Variants in SLC9B2 observed in about 807,000 individuals in gnomAD.
SLC9B2 encodes the protein solute carrier family 9 member B2, also known as sodium/hydrogen exchanger 9B2.
SLC9B2 carries 39 observed loss-of-function variants against 52.2 expected under a neutral mutation model. The ratio of observed to expected loss-of-function variants is 0.75; its 90% confidence interval spans 0.58 to 0.98. The LOEUF (loss-of-function observed/expected upper bound fraction) is 0.98, where lower values mean the gene tolerates loss of function less well. Among genes scored for constraint, SLC9B2 ranks in the 50% least tolerant of loss-of-function variants. SLC9B2 has a pLI of 0.00. For synonymous variants in SLC9B2, 214 were observed against 227.0 expected (o/e 0.94, Z 0.51); for missense variants, 626 against 637.5 (o/e 0.98, Z 0.19).
downstream of SLC9B2, among the ~76,000 whole-genome samples, chr4:103,020,611 T>A (rs895025451): frequency 6.6e-6 from 1 of 152,172 alleles, no homozygotes; most frequent in African/African-American, 2.4e-5. Context: ...CCTTCTTGGG[T>A]AACTTAAATA....
intron 4 of SLC9B2, among the ~76,000 whole-genome samples, chr4:103,057,494 C>A (rs937661171): frequency 2.0e-5 from 3 of 151,790 alleles, no homozygotes; most frequent in Admixed American, 1.3e-4. Context: ...TTTGTAGAGA[C>A]AGGGTTTCAC....
intron 11 of SLC9B2, among the ~76,000 whole-genome samples, chr4:103,026,899 T>G (rs191620830): frequency 2.2e-4 from 34 of 152,184 alleles, no homozygotes; most frequent in African/African-American, 7.2e-4. Flanking sequence ...TTGCAGGTTT[T>G]GTTTTGTTTT....
chr4:103,057,867 TG>T lies in SLC9B2; in HGVS notation c.375del (p.Ile126SerfsTer51). ...AGCCCCAAAAGTTTACCACCAATGATGGCACAATAGAATAGGATTATAATTC... is the reference window on the plus strand; with the variant it reads ...AGCCCCAAAAGTTTACCACCAATGATGCACAATAGAATAGGATTATAATTC... The part of the protein sequence containing the change: ...LFGIIILFYC[A>X]IIGGKLLGLI... On this transcript the variant is annotated frameshift_variant, in exon 4 of 12. Transcript: ENST00000394785. 6.2e-7 allele frequency: 1 copy of T among 1,613,762 alleles called. No individual in the cohort carries two copies. Among genetic ancestry groups the T allele is most frequent in the Non-Finnish European group, 8.5e-7 (1 of 1,179,944 alleles).
chr4:103,067,216 A>G (rs991357268), intron 2 of SLC9B2, among the ~76,000 whole-genome samples: 2 of 152,158 alleles, frequency 1.3e-5, no homozygotes, highest in African/African-American at 4.8e-5. Context: ...ACATTCATTA[A>G]TCTACTTGAA....
chr4:103,052,801 A>T (rs1744803447), intron 4 of SLC9B2, among the ~76,000 whole-genome samples: 1 of 150,854 alleles, frequency 6.6e-6, no homozygotes, highest in Non-Finnish European at 1.5e-5. Flanking sequence ...CCCACCTTAG[A>T]CTCCCAAGGT....
intron 4 of SLC9B2, among the ~76,000 whole-genome samples, chr4:103,053,210 A>G (rs1406046700): frequency 6.6e-6 from 1 of 152,152 alleles, no homozygotes; most frequent in Non-Finnish European, 1.5e-5. Flanking sequence ...AAAAATGCTC[A>G]CTCATACTCC....
chr4:103,076,956 A>G (rs1280146650), upstream of SLC9B2: 1 of 152,266 alleles, frequency 6.6e-6, no homozygotes, highest in East Asian at 1.9e-4. Context: ...TAAGGTGACC[A>G]ATTAAATGGC....
At chr4:103,072,774 T>A (rs1230985829) in intron 1 of SLC9B2, among the ~76,000 whole-genome samples, 1 of 152,198 alleles carries the variant, frequency 6.6e-6, no homozygotes, top group Non-Finnish European at 1.5e-5. Context: ...AAAGGAGTAA[T>A]CTTATGGAGA....
chr4:103,069,646 T>C (rs1048134426), intron 1 of SLC9B2, among the ~76,000 whole-genome samples: 1 of 152,210 alleles, frequency 6.6e-6, no homozygotes, highest in Non-Finnish European at 1.5e-5. Context: ...CTTAATCCCA[T>C]TGATTTTATT....
At chr4:103,042,931 T>G (rs1213876559) in intron 9 of SLC9B2, among the ~76,000 whole-genome samples, 1 of 152,110 alleles carries the variant, frequency 6.6e-6, no homozygotes, top group African/African-American at 2.4e-5. Flanking sequence ...TTGTGTTTTT[T>G]AGAATTGACA....
intron 7 of SLC9B2, among the ~76,000 whole-genome samples, chr4:103,046,761 C>CACACATCTTTTG (rs1214531191): frequency 8.6e-4 from 130 of 151,946 alleles, no homozygotes; most frequent in Middle Eastern, 3.4e-3. Context: ...TGTGTGAAGC[C>CACACATCTTTTG]TGAACGTTCC....
intron 9 of SLC9B2, among the ~76,000 whole-genome samples, chr4:103,032,638 T>G (rs1187045146): frequency 6.6e-6 from 1 of 152,162 alleles, no homozygotes; most frequent in Non-Finnish European, 1.5e-5. Flanking sequence ...TCTAGGTTCC[T>G]GCATCCCAGG....
rs946130014 is a variant in SLC9B2 at position 103,076,601 on chromosome 4, C to G, written c.-460G>C. 2 of 152,186 alleles carry G rather than the reference C, an allele frequency of 1.3e-5. No homozygotes were observed. 9.4% of individuals were successfully genotyped at this position (152,186 alleles called of 1,614,324 possible). ...TGGCGCCAGGCCGACCATGGGCCCA[C>G]GTCCCGGGGCCTCGGAGCGGCACCG... On this transcript the variant is annotated 5_prime_UTR_variant, in exon 1 of 12. Coordinates refer to ENST00000394785, the MANE Select transcript of SLC9B2 (RefSeq NM_178833.7).
rs769816395 is a variant in SLC9B2, at chr4:103,026,607, G to A, written c.1393-16C>T. ...CTATTGCAGCCTATAAAAGTTTAAG[G>A]GTAAAAATGGAATCATGATAAGATA... On this transcript the variant is annotated splice_polypyrimidine_tract_variant and intron_variant, in intron 11 of 11. Transcript: ENST00000394785. 7 of 1,588,302 alleles carry A rather than the reference G, an allele frequency of 4.4e-6. No individual in the cohort carries two copies. The South Asian group carries it at 8.1e-5, about 18-fold the overall frequency.
rs1465461190 is a variant in SLC9B2 at position 103,022,671 on chromosome 4, G to A, written c.*3699C>T. Among the ~76,000 whole-genome samples the A allele has an allele frequency of 6.6e-6, 1 of 152,216 alleles. No individual in the cohort carries two copies. The highest frequency in any genetic ancestry group is 1.5e-5 in the Non-Finnish European group (1 of 68,038). ...TCAAGATCAATCAAGGTGATTGGGA[G>A]TTAATACCAGACAGAAATATACTGT... is the stretch of plus-strand genomic sequence containing the variant. On this transcript the variant is annotated 3_prime_UTR_variant, in exon 12 of 12. Transcript: ENST00000394785.
At chr4:103,031,480 T>C (rs2110577974) in intron 10 of SLC9B2, among the ~76,000 whole-genome samples, 1 of 152,268 alleles carries the variant, frequency 6.6e-6, no homozygotes, top group East Asian at 1.9e-4. Flanking sequence ...CAATATTAAA[T>C]GTGTAAAATA....
At chr4:103,033,268 A>G (rs896198047) in intron 9 of SLC9B2, among the ~76,000 whole-genome samples, 2 of 152,198 alleles carry the variant, frequency 1.3e-5, no homozygotes, top group African/African-American at 2.4e-5. Context: ...AATAAAAAAA[A>G]GACATAGATC....
At chr4:103,021,847 T>C (rs894493565), downstream of SLC9B2, among the ~76,000 whole-genome samples, 1 of 152,210 alleles carries the variant, frequency 6.6e-6, no homozygotes, top group Admixed American at 6.5e-5. Context: ...TTTGCTAATA[T>C]GCCAGCCTCC....
chr4:103,059,652 A>G (rs982778003), intron 3 of SLC9B2, among the ~76,000 whole-genome samples: 12 of 152,212 alleles, frequency 7.9e-5, no homozygotes, highest in African/African-American at 2.9e-4. Flanking sequence ...TTTCTTCCCC[A>G]GTTCACTTTG....
Sources: allele counts gnomAD v4.1 joint callset (sites outside exome capture counted in the v4.1 genomes callset), GRCh38; gene constraint gnomAD v4.1.1; transcripts MANE v1.5; gene names NCBI Gene and HGNC (gene_info 2026-07-23, HGNC 2026-07-21).